The following IKZF3 variants were observed in gnomAD, a reference collection of about 807,000 sequenced individuals.
IKZF3 encodes the protein IKAROS family zinc finger 3, also known as zinc finger protein Aiolos.
A neutral mutation model predicts 49.0 loss-of-function variants in IKZF3; 10 were observed. The ratio of observed to expected loss-of-function variants is 0.20; its 90% CI spans 0.13 to 0.35. The LOEUF is 0.35. Ranked by LOEUF, IKZF3 falls within the 10% of genes least tolerant of loss-of-function variation. IKZF3 has a pLI of 1.00. For synonymous variants in IKZF3, 209 were observed against 228.2 expected, an observed-to-expected ratio of 0.92 and a Z score of 0.76; for missense variants, 498 against 664.8, an observed-to-expected ratio of 0.75 and a Z score of 2.76.
chr17:39,799,697 TA>T (rs1474852547), intron 3 of IKZF3, among the ~76,000 whole-genome samples: 1 of 152,206 alleles, frequency 6.6e-6, no homozygotes, highest in Non-Finnish European at 1.5e-5. Context: ...GCAACATGAC[TA>T]ATCACAGTTC....
chr17:39,803,267 C>G (rs1225120629), intron 3 of IKZF3, among the ~76,000 whole-genome samples: 1 of 152,094 alleles, frequency 6.6e-6, no homozygotes, highest in East Asian at 1.9e-4. Context: ...CCCATTATAA[C>G]AATTACTTTT....
In IKZF3 at chr17:39,788,208, C is replaced by T. The variant is rs1198669224; in HGVS notation, c.709+50G>A. ...AGTCTTTTTACTTACTATTGTATCTCACCACCTAGGACAGCAGATGCTCAC... is the reference window on the plus strand; with the variant it reads ...AGTCTTTTTACTTACTATTGTATCTTACCACCTAGGACAGCAGATGCTCAC... On this transcript the variant is annotated intron_variant, in intron 6 of 7. Coordinates refer to ENST00000346872, the MANE Select transcript of IKZF3 (RefSeq NM_012481.5). 7.2e-6 allele frequency: 8 copies of T among 1,106,018 alleles called. No homozygotes were observed. The African/African-American group carries it at 1.1e-4, about 15-fold the overall frequency. 68.5% of individuals were successfully genotyped at this position (1,106,018 alleles called of 1,614,324 possible).
intron 1 of IKZF3, among the ~76,000 whole-genome samples, chr17:39,856,289 T>C (rs997932846): frequency 7.2e-5 from 11 of 152,082 alleles, no homozygotes; most frequent in Admixed American, 1.3e-4. Flanking sequence ...ATATTCTTTT[T>C]TATTTATTTA....
In IKZF3 at chr17:39,758,874, T is replaced by C. The variant is rs2060119473; in HGVS notation, c.*6916A>G. 6.8e-6 allele frequency: 1 copy of C among 147,810 alleles called. No individual in the cohort carries two copies. The highest frequency in any genetic ancestry group is 1.5e-5 in the Non-Finnish European group (1 of 67,284). 9.2% of individuals were successfully genotyped at this position (147,810 alleles called of 1,614,324 possible). A position where few individuals can be genotyped will look rare whatever the true frequency, so the allele number is the denominator to read the frequency against. ...GATCTAGTATGATCTTGGGATATTT[T>C]TCATGTCTTTAAATTTAGGACACGG... On this transcript the variant is annotated 3_prime_UTR_variant, in exon 8 of 8. Coordinates refer to ENST00000346872, the MANE Select transcript of IKZF3 (RefSeq NM_012481.5).
Position 39,792,886 on chromosome 17 carries a change from C to G in IKZF3, c.211G>C (p.Val71Leu), listed in dbSNP as rs373110693. 6 of 1,613,958 alleles carry G rather than the reference C, an allele frequency of 3.7e-6. No individual in the cohort carries two copies. The Middle Eastern group carries it at 4.9e-4, about 133-fold the overall frequency. Reference protein sequence around the residue: ...KDEYSERDENVLKSEPMGNAE... With the variant: ...KDEYSERDENLLKSEPMGNAE... ...TTTCCCATGGGTTCTGACTTTAAAA[C>G]ATTCTCATCTCTTTCACTGTATTCA... is the stretch of plus-strand genomic sequence containing the variant. Residue 71 changes from valine (V) to leucine (L), a missense_variant, in exon 4 of 8, where the codon GTT becomes CTT. Val to Leu is a conservative substitution (Grantham distance 32). Around this residue, in one of 3 missense-constraint regions of IKZF3, gnomAD observed 97 missense variants for 98.9 expected, o/e 0.98. Coordinates refer to ENST00000346872, the MANE Select transcript of IKZF3 (RefSeq NM_012481.5).
At position 39,777,512 on chromosome 17, in the gene IKZF3, T is replaced by C. The variant is rs916641396; in HGVS notation, c.826+139A>G. ...TTTCCAGAGCTATCAGAATGAACCA[T>C]GAAGAATAAAAGTACACAATGAAAA... is the stretch of plus-strand genomic sequence containing the variant. On this transcript the variant is annotated intron_variant, in intron 7 of 7. Transcript: ENST00000346872. The C allele has an allele frequency of 8.5e-6, 5 of 587,748 alleles. No homozygotes were observed. The African/African-American group carries it at 9.4e-5, about 11-fold the overall frequency. The allele number at this position is 587,748 out of a possible 1,614,324, so 36.4% of individuals were successfully genotyped here.
In IKZF3 at chr17:39,759,107, T is replaced by A. The variant is rs374154161; in HGVS notation, c.*6683A>T. 8 of 152,066 alleles carry A rather than the reference T, an allele frequency of 5.3e-5. No homozygotes were observed. The highest frequency in any genetic ancestry group is 3.3e-4 in the Admixed American group (5 of 15,278). The allele number at this position is 152,066 out of a possible 1,614,324, so 9.4% of individuals were successfully genotyped here. On this transcript the variant is annotated 3_prime_UTR_variant, in exon 8 of 8. Coordinates refer to ENST00000346872, the MANE Select transcript of IKZF3 (RefSeq NM_012481.5). ...ATCAACACATAAGACAGCCCACAAT[T>A]GTGATACAGTATTAAGAAGAAACTC... is the stretch of plus-strand genomic sequence containing the variant.
At chr17:39,832,038 C>T in intron 2 of IKZF3, 60 bp downstream of exon 2, 1 of 1,249,702 alleles carries the variant, frequency 8.0e-7, no homozygotes, top group Non-Finnish European at 1.2e-6. Flanking sequence ...GCACATTCCT[C>T]TCTCTTTGGT....
chr17:39,860,058 C>T (rs900167480), intron 1 of IKZF3, among the ~76,000 whole-genome samples: 2 of 151,902 alleles, frequency 1.3e-5, no homozygotes, highest in Non-Finnish European at 2.9e-5. Context: ...ATAGTGAGAC[C>T]CCCATTTCTA....
intron 1 of IKZF3, among the ~76,000 whole-genome samples, chr17:39,855,041 A>G (rs2062997421): frequency 6.6e-6 from 1 of 152,212 alleles, no homozygotes; most frequent in South Asian, 2.1e-4. Flanking sequence ...TAGGAAAAAC[A>G]TGTAACGGTC....
rs139158409 is a variant in IKZF3 at position 39,783,611 on chromosome 17, C to T, written c.709+4647G>A. Among the ~76,000 whole-genome samples, 373 of 152,300 alleles carry T rather than the reference C, an allele frequency of 2.4e-3. 1 individual carries two copies. The highest frequency in any genetic ancestry group is 8.3e-3 in the African/African-American group (346 of 41,568). ...CTGGGATTACAGGCGTGAGCCACCG[C>T]GCCCGGCCAGTATTGATTTTTAAAA... On this transcript the variant is annotated intron_variant, in intron 6 of 7. Coordinates refer to ENST00000346872, the MANE Select transcript of IKZF3 (RefSeq NM_012481.5).
chr17:39,778,284 G>T, intron 6 of IKZF3: 1 of 668,536 alleles, frequency 1.5e-6, no homozygotes, highest in Non-Finnish European at 1.8e-6. Context: ...TTGAAATTCT[G>T]AGTGGTTTCT....
intron 7 of IKZF3, among the ~76,000 whole-genome samples, chr17:39,775,368 G>A (rs923197486): frequency 6.6e-6 from 1 of 152,158 alleles, no homozygotes; most frequent in South Asian, 2.1e-4. Context: ...TCTCTCACAA[G>A]TCTGGAAGTA....
At chr17:39,837,016 C>T (rs2062305963) in intron 1 of IKZF3, among the ~76,000 whole-genome samples, 1 of 152,078 alleles carries the variant, frequency 6.6e-6, no homozygotes, top group Non-Finnish European at 1.5e-5. Context: ...ACTGCAGCCT[C>T]GACCTCCTGG....
intron 7 of IKZF3, among the ~76,000 whole-genome samples, chr17:39,771,382 C>G (rs2060437658): frequency 6.6e-6 from 1 of 152,186 alleles, no homozygotes; most frequent in Admixed American, 6.5e-5. Flanking sequence ...TGCTTAGCAC[C>G]ATGGTTAGGT....
In IKZF3 at chr17:39,765,396, C is replaced by T. The variant is rs569381918; in HGVS notation, c.*394G>A. On this transcript the variant is annotated 3_prime_UTR_variant, in exon 8 of 8. Coordinates refer to ENST00000346872, the MANE Select transcript of IKZF3 (RefSeq NM_012481.5). Reference sequence around the variant, plus strand: ...CTTCCCAGCAAGGTCAGCTGGTCAGCTCTTCCTCTTTGTGGATTTGCATGT... The same window carrying T: ...CTTCCCAGCAAGGTCAGCTGGTCAGTTCTTCCTCTTTGTGGATTTGCATGT... The T allele has an allele frequency of 6.7e-4, 111 of 166,728 alleles. No homozygotes were observed. Among genetic ancestry groups the T allele is most frequent in the African/African-American group, 2.3e-3 (97 of 41,784 alleles). 10.3% of individuals were successfully genotyped at this position (166,728 alleles called of 1,614,324 possible). A position where few individuals can be genotyped will look rare whatever the true frequency, so the allele number is the denominator to read the frequency against.
At chr17:39,780,415 G>A (rs1046041233) in intron 6 of IKZF3, among the ~76,000 whole-genome samples, 1 of 152,040 alleles carries the variant, frequency 6.6e-6, no homozygotes, top group Non-Finnish European at 1.5e-5. Flanking sequence ...CCAGGGTGGA[G>A]TGCAGTGGCA....
In IKZF3 at chr17:39,792,925, T is replaced by C. The variant is rs1427615104; in HGVS notation, c.172A>G (p.Met58Val). 6.8e-6 allele frequency: 11 copies of C among 1,613,210 alleles called. No individual in the cohort carries two copies. The East Asian group carries it at 2.5e-4, about 36-fold the overall frequency. Residue 58 changes from methionine (M) to valine (V), a missense_variant, in exon 4 of 8, where the codon ATG becomes GTG. Coordinates refer to ENST00000346872, the MANE Select transcript of IKZF3 (RefSeq NM_012481.5). ...NEDEDIGDDS[M>V]KVKDEYSERD... ...TCACTGTATTCATCTTTCACTTTCA[T>C]TGAATCATCTGCAGGGAAGAAAATG...
At chr17:39,829,296 C>A (rs2144284441) in intron 3 of IKZF3, 91 bp downstream of exon 3, 1 of 844,930 alleles carries the variant, frequency 1.2e-6, no homozygotes, top group Non-Finnish European at 1.9e-6. Flanking sequence ...CCTACAATTG[C>A]AAGTTTTCCT....
Sources: gnomAD v4.1 joint callset for allele counts (sites outside exome capture counted in the v4.1 genomes callset) on GRCh38, gnomAD v4.1.1 for gene constraint, gnomAD v4.1.1 regional missense constraint, MANE v1.5 for transcripts, NCBI Gene and HGNC (gene_info 2026-07-23, HGNC 2026-07-21) for gene names.